The following KIF4A variants were observed in gnomAD, a reference collection of about 807,000 sequenced individuals.
KIF4A encodes the protein kinesin family member 4A, also known as chromosome-associated kinesin KIF4A.
KIF4A carries 7 observed loss-of-function variants against 105.9 expected under a neutral mutation model. The observed-to-expected ratio is 0.07, with a 90% CI of 0.04 to 0.12. The LOEUF is 0.12. Ranked by LOEUF, KIF4A falls within the 10% of genes least tolerant of loss-of-function variation. The probability of loss-of-function intolerance (pLI) is 1.00; values close to 1 mark genes in which losing one functional copy is unlikely to be tolerated. For synonymous variants in KIF4A, 281 were observed against 331.3 expected, an observed-to-expected ratio of 0.85 and a Z score of 1.65; for missense variants, 558 against 929.2, an observed-to-expected ratio of 0.60 and a Z score of 5.19.
intron 30 of KIF4A, 132 bp downstream of exon 30, chrX:70,419,915 A>T (rs1201519060): frequency 2.9e-6 from 3 of 1,022,868 alleles, no homozygotes; most frequent in Non-Finnish European, 4.0e-6. Context: ...GGGATCGGGC[A>T]TAGACTCTAG....
chrX:70,292,308 G>A (rs770327745), intron 3 of KIF4A, among the ~76,000 whole-genome samples: 5 of 112,173 alleles, frequency 4.5e-5, no homozygotes, highest in African/African-American at 6.5e-5. Flanking sequence ...TCAAAATCAC[G>A]TTTTATTTAG....
At chrX:70,292,455 T>G (rs2085764876) in intron 3 of KIF4A, among the ~76,000 whole-genome samples, 1 of 112,479 alleles carries the variant, frequency 8.9e-6, no homozygotes, top group Non-Finnish European at 1.9e-5. Flanking sequence ...GGCATTTACT[T>G]ATGATTAGAT....
At chrX:70,329,835 A>G (rs759029262) in intron 8 of KIF4A, among the ~76,000 whole-genome samples, 5 of 111,502 alleles carry the variant, frequency 4.5e-5, no homozygotes, top group African/African-American at 1.6e-4. Context: ...GTTAAAATCC[A>G]CCTAGAGGGG....
chrX:70,357,586 T>C (rs2086057136), intron 15 of KIF4A, among the ~76,000 whole-genome samples: 1 of 112,063 alleles, frequency 8.9e-6, no homozygotes, highest in Non-Finnish European at 1.9e-5. Context: ...CCAATAGCTT[T>C]CTGAGAATGT....
intron 7 of KIF4A, among the ~76,000 whole-genome samples, chrX:70,326,222 G>T (rs747110445): frequency 4.5e-5 from 5 of 112,022 alleles, no homozygotes; most frequent in Non-Finnish European, 9.4e-5. Context: ...CCCAGCTGTG[G>T]CACCGTTAAT....
At chrX:70,315,563 G>A (rs954065855) in intron 7 of KIF4A, among the ~76,000 whole-genome samples, 3 of 111,745 alleles carry the variant, frequency 2.7e-5, no homozygotes, top group Admixed American at 9.6e-5. Flanking sequence ...CCCTTTAGGT[G>A]TATTGTTATT....
intron 7 of KIF4A, among the ~76,000 whole-genome samples, chrX:70,312,474 A>C (rs771276487): frequency 9.0e-6 from 1 of 110,971 alleles, no homozygotes; most frequent in Non-Finnish European, 1.9e-5. Flanking sequence ...ATCTCTAGGT[A>C]CCTCCTCCAT....
intron 29 of KIF4A, 127 bp from the exon 30 acceptor site, chrX:70,419,534 C>T: frequency 1.2e-6 from 1 of 800,064 alleles, no homozygotes; most frequent in Non-Finnish European, 1.9e-6. Context: ...AGCAGGGCCT[C>T]CCTAAGACTT....
intron 18 of KIF4A, among the ~76,000 whole-genome samples, chrX:70,377,698 G>A (rs1242217006): frequency 8.9e-6 from 1 of 112,538 alleles, no homozygotes; most frequent in East Asian, 2.8e-4. Flanking sequence ...CACTTTGGGA[G>A]GCCAAGGTGG....
Position 70,404,098 on chromosome X carries a change from A to T in KIF4A, c.2790+64A>T, listed in dbSNP as rs1423670495. On this transcript the variant is annotated intron_variant, in intron 24 of 30. Transcript: ENST00000374403. Reference sequence around the variant, plus strand: ...ATCATTGCCTTGTATTGTTAGTTTTAAAAAAAAAGTGGGGATATGAAATTT... The same window carrying T: ...ATCATTGCCTTGTATTGTTAGTTTTTAAAAAAAAGTGGGGATATGAAATTT... 1.4e-5 allele frequency: 15 copies of T among 1,041,392 alleles called. No individual in the cohort carries two copies. The African/African-American group carries it at 1.7e-4, about 12-fold the overall frequency. The allele number at this position is 1,041,392 out of a possible 1,213,427, so 85.8% of individuals were successfully genotyped here.
At position 70,418,057 on chromosome X, in the gene KIF4A, C is replaced by T. The variant is rs915208881; in HGVS notation, c.3372+53C>T. ...TTCCCTTCAGACCTTCCTCTAGTTT[C>T]CACCCTCTTTTTCTGCCTTCCATCC... On this transcript the variant is annotated intron_variant, in intron 29 of 30. Coordinates refer to ENST00000374403, the MANE Select transcript of KIF4A (RefSeq NM_012310.5). 15 of 1,025,881 alleles carry T rather than the reference C, an allele frequency of 1.5e-5. No individual in the cohort carries two copies. The African/African-American group carries it at 2.8e-4, about 19-fold the overall frequency. The allele number at this position is 1,025,881 out of a possible 1,213,427, so 84.5% of individuals were successfully genotyped here.
intron 13 of KIF4A, among the ~76,000 whole-genome samples, chrX:70,347,044 A>G (rs1046635359): frequency 5.4e-5 from 6 of 111,853 alleles, no homozygotes; most frequent in African/African-American, 2.0e-4. Flanking sequence ...ATTCAAGCAA[A>G]CCTCCTTGTG....
chrX:70,342,812 G>A (rs2085977517), intron 11 of KIF4A, among the ~76,000 whole-genome samples: 1 of 112,072 alleles, frequency 8.9e-6, no homozygotes, highest in African/African-American at 3.2e-5. Context: ...AGTAACTCTA[G>A]AAGCTGTGTT....
intron 15 of KIF4A, among the ~76,000 whole-genome samples, chrX:70,360,311 C>T (rs138789343): frequency 7.8e-4 from 88 of 113,013 alleles, no homozygotes; most frequent in Non-Finnish European, 2.2e-4. Context: ...AACAGTCTTA[C>T]CTGCTCCCAG....
chrX:70,356,347 G>A (rs959737234), intron 15 of KIF4A, among the ~76,000 whole-genome samples: 2 of 111,492 alleles, frequency 1.8e-5, no homozygotes, highest in African/African-American at 3.3e-5. Flanking sequence ...GGCCAAGGCA[G>A]GTGGATCACT....
chrX:70,347,932 G>A (rs941635556), intron 13 of KIF4A, among the ~76,000 whole-genome samples: 9 of 76,524 alleles, frequency 1.2e-4, no homozygotes, highest in Non-Finnish European at 4.8e-5. Context: ...CCGAGATCGC[G>A]CCACTGCACT....
intron 3 of KIF4A, among the ~76,000 whole-genome samples, chrX:70,292,647 A>C (rs1394739657): frequency 1.8e-5 from 2 of 111,906 alleles, no homozygotes; most frequent in Non-Finnish European, 3.8e-5. Flanking sequence ...TTTTACATAC[A>C]GTATTTGGAA....
At chrX:70,374,118 G>A (rs773280136) in intron 15 of KIF4A, 33 bp from the exon 16 acceptor site, 7 of 894,022 alleles carry the variant, frequency 7.8e-6, no homozygotes, top group African/African-American at 4.0e-5. Flanking sequence ...GCCATATAAT[G>A]TCTTCTTTCT....
intron 13 of KIF4A, among the ~76,000 whole-genome samples, chrX:70,344,877 T>C (rs1025460597): frequency 8.9e-6 from 1 of 111,795 alleles, no homozygotes; most frequent in Non-Finnish European, 1.9e-5. Context: ...AAAAATGCCA[T>C]GCAATATTGT....
Sources: gnomAD v4.1 joint callset for allele counts (sites outside exome capture counted in the v4.1 genomes callset) on GRCh38, gnomAD v4.1.1 for gene constraint, MANE v1.5 for transcripts, NCBI Gene and HGNC (gene_info 2026-07-23, HGNC 2026-07-21) for gene names.